AGO3: variants seen among roughly 807,000 people sequenced by gnomAD.
AGO3 encodes the protein argonaute RISC catalytic component 3, also known as protein argonaute-3.
AGO3 carries 16 observed loss-of-function variants against 105.5 expected under a neutral mutation model. The observed-to-expected ratio is 0.15, with a 90% CI of 0.10 to 0.23. AGO3 has a LOEUF of 0.23. AGO3 is among the 10% of genes least tolerant of loss of function. AGO3 has a pLI of 1.00. For synonymous variants in AGO3, 340 were observed against 367.3 expected, an observed-to-expected ratio of 0.93 and a Z score of 0.85; for missense variants, 534 against 1,088.0, an observed-to-expected ratio of 0.49 and a Z score of 7.16.
At chr1:36,049,177 A>C (rs1401972020) in intron 17 of AGO3, among the ~76,000 whole-genome samples, 2 of 152,170 alleles carry the variant, frequency 1.3e-5, no homozygotes, top group Non-Finnish European at 2.9e-5. Context: ...ACATGGGAAT[A>C]ATAAACACTG....
chr1:35,979,410 G>C (rs912638386), intron 5 of AGO3, among the ~76,000 whole-genome samples: 1 of 151,916 alleles, frequency 6.6e-6, no homozygotes, highest in Non-Finnish European at 1.5e-5. Flanking sequence ...AGTTTCTAGA[G>C]GTATTTTTTG....
intron 2 of AGO3, among the ~76,000 whole-genome samples, chr1:35,956,205 A>C (rs892422562): frequency 6.6e-6 from 1 of 152,212 alleles, no homozygotes; most frequent in African/African-American, 2.4e-5. Context: ...AAAAAGAATG[A>C]ACAATTTAGG....
At chr1:35,949,623 T>C (rs1646433092) in intron 2 of AGO3, among the ~76,000 whole-genome samples, 1 of 152,204 alleles carries the variant, frequency 6.6e-6, no homozygotes, top group Admixed American at 6.5e-5. Flanking sequence ...CAAATTGTTT[T>C]ATTTCCTTTT....
rs1642989862 is a variant in AGO3 at position 36,058,792 on chromosome 1, C to A, written c.*3047C>A. 1 of 152,090 alleles carries A rather than the reference C, an allele frequency of 6.6e-6. No individual in the cohort carries two copies. Among genetic ancestry groups the A allele is most frequent in the African/African-American group, 2.4e-5 (1 of 41,428 alleles). 9.4% of individuals were successfully genotyped at this position (152,090 alleles called of 1,614,324 possible). A position where few individuals can be genotyped will look rare whatever the true frequency, so the allele number is the denominator to read the frequency against. On this transcript the variant is annotated 3_prime_UTR_variant, in exon 19 of 19. Coordinates refer to ENST00000373191, the MANE Select transcript of AGO3 (RefSeq NM_024852.4). Reference sequence around the variant, plus strand: ...ATCGTATATACATTTTTTCTCCCAGCCTTCTCCCATCTCCTCCAGAAAAAT... The same window carrying A: ...ATCGTATATACATTTTTTCTCCCAGACTTCTCCCATCTCCTCCAGAAAAAT...
rs186732098 is a variant in AGO3 at position 36,006,584 on chromosome 1, A to G, written c.794-2106A>G. Among the ~76,000 whole-genome samples the G allele has an allele frequency of 6.6e-5, 10 of 152,280 alleles. No homozygotes were observed. The East Asian group carries it at 1.7e-3, about 26-fold the overall frequency. On this transcript the variant is annotated intron_variant, in intron 6 of 18. Coordinates refer to ENST00000373191, the MANE Select transcript of AGO3 (RefSeq NM_024852.4). ...TTCTATTGTGTTCTCCCCTGAACAT[A>G]ATATTTTTACGTCTTGTTTCTTCAT...
intron 5 of AGO3, among the ~76,000 whole-genome samples, chr1:35,989,962 A>G (rs1647463196): frequency 1.3e-5 from 2 of 152,232 alleles, no homozygotes; most frequent in Non-Finnish European, 2.9e-5. Context: ...ATTATGTACC[A>G]GATAGAATGC....
chr1:36,036,125 A>C, intron 13 of AGO3, 52 bp from the exon 14 acceptor site: 1 of 1,552,028 alleles, frequency 6.4e-7, no homozygotes, highest in Non-Finnish European at 8.9e-7. Flanking sequence ...GAAACAGATA[A>C]ATGGATACTG....
Position 35,949,960 on chromosome 1 carries a change from C to T in AGO3, c.191+4097C>T, listed in dbSNP as rs150941964. Among the ~76,000 whole-genome samples, 31 of 152,184 alleles carry T rather than the reference C, an allele frequency of 2.0e-4. No homozygotes were observed. In the East Asian group the frequency reaches 5.0e-3, roughly 25 times the overall value. Reference sequence around the variant, plus strand: ...TATATTGGCCAGGCATGGTAGCTCACGCCTGTAATCCCAGCACTTTGGGAG... The same window carrying T: ...TATATTGGCCAGGCATGGTAGCTCATGCCTGTAATCCCAGCACTTTGGGAG... On this transcript the variant is annotated intron_variant, in intron 2 of 18. Coordinates refer to ENST00000373191, the MANE Select transcript of AGO3 (RefSeq NM_024852.4).
At chr1:36,035,398 C>G (rs1007714340) in intron 13 of AGO3, among the ~76,000 whole-genome samples, 1 of 151,936 alleles carries the variant, frequency 6.6e-6, no homozygotes, top group African/African-American at 2.4e-5. Flanking sequence ...GAGACCCTGT[C>G]TCAAAAAAAC....
At chr1:35,950,836 G>A (rs1292765166) in intron 2 of AGO3, among the ~76,000 whole-genome samples, 2 of 151,862 alleles carry the variant, frequency 1.3e-5, no homozygotes, top group Non-Finnish European at 2.9e-5. Context: ...ATTAAATAAT[G>A]GAATAGATAC....
rs1207716766 is a variant in AGO3, at chr1:36,058,122, T to A, written c.*2377T>A. 2 of 152,210 alleles carry A rather than the reference T, an allele frequency of 1.3e-5. No homozygotes were observed. The highest frequency in any genetic ancestry group is 1.9e-4 in the East Asian group (1 of 5,200). The allele number at this position is 152,210 out of a possible 1,614,324, so 9.4% of individuals were successfully genotyped here. ...CAAATAGATTGTGTTTATTGAAGAA[T>A]CATATTGGCTAGATGCCCATTTTCA... is the stretch of plus-strand genomic sequence containing the variant. On this transcript the variant is annotated 3_prime_UTR_variant, in exon 19 of 19. Transcript: ENST00000373191.
chr1:36,040,587 T>C, intron 16 of AGO3, 146 bp downstream of exon 16: 2 of 689,194 alleles, frequency 2.9e-6, no homozygotes, highest in South Asian at 3.8e-5. Flanking sequence ...TATAGAAGCA[T>C]CAAAATAGAT....
At chr1:35,967,803 A>C (rs970890255) in intron 3 of AGO3, among the ~76,000 whole-genome samples, 1 of 152,166 alleles carries the variant, frequency 6.6e-6, no homozygotes, top group African/African-American at 2.4e-5. Flanking sequence ...CATTGATATG[A>C]TACTTTTATT....
rs1643070216 is a variant in AGO3 at position 36,064,898 on chromosome 1, C to G, written c.*9153C>G. On this transcript the variant is annotated 3_prime_UTR_variant, in exon 19 of 19. Transcript: ENST00000373191. Reference sequence around the variant, plus strand: ...AAATTAATGTGGCTGGGCGTGGTAGCTCACACCTGTAATCCCAGCACTTTG... The same window carrying G: ...AAATTAATGTGGCTGGGCGTGGTAGGTCACACCTGTAATCCCAGCACTTTG... The G allele has an allele frequency of 6.6e-6, 1 of 152,184 alleles. No individual in the cohort carries two copies. The highest frequency in any genetic ancestry group is 1.5e-5 in the Non-Finnish European group (1 of 68,058). 9.4% of individuals were successfully genotyped at this position (152,184 alleles called of 1,614,324 possible).
chr1:36,050,707 G>C (rs746929174), intron 17 of AGO3, among the ~76,000 whole-genome samples: 1 of 148,322 alleles, frequency 6.7e-6, no homozygotes, highest in African/African-American at 2.5e-5. Context: ...CAGGAGAATC[G>C]CTTGAACCCA....
intron 3 of AGO3, among the ~76,000 whole-genome samples, chr1:35,969,964 G>A (rs1398531310): frequency 6.6e-6 from 1 of 151,926 alleles, no homozygotes; most frequent in Non-Finnish European, 1.5e-5. Context: ...TAATCTAATG[G>A]GACCACCGTG....
chr1:35,955,897 A>C (rs1212453144), intron 2 of AGO3, among the ~76,000 whole-genome samples: 1 of 151,962 alleles, frequency 6.6e-6, no homozygotes, highest in African/African-American at 2.4e-5. Flanking sequence ...GTCAGACCTT[A>C]ACTCTTATGT....
chr1:36,011,477 A>T (rs549611715), intron 9 of AGO3, among the ~76,000 whole-genome samples: 16 of 152,312 alleles, frequency 1.1e-4, no homozygotes, highest in African/African-American at 2.9e-4. Flanking sequence ...ATAAGATTTT[A>T]AAAACTCTCA....
intron 2 of AGO3, among the ~76,000 whole-genome samples, chr1:35,950,311 G>A (rs984222579): frequency 6.6e-6 from 1 of 152,050 alleles, no homozygotes; most frequent in Non-Finnish European, 1.5e-5. Flanking sequence ...AAATTATCGT[G>A]CATGAAATTT....
Sources: allele counts gnomAD v4.1 joint callset (sites outside exome capture counted in the v4.1 genomes callset), GRCh38; gene constraint gnomAD v4.1.1; transcripts MANE v1.5; gene names NCBI Gene and HGNC (gene_info 2026-07-23, HGNC 2026-07-21).